The following ENPP6 variants were observed in gnomAD, a reference collection of about 807,000 sequenced individuals.
ENPP6 encodes the protein ectonucleotide pyrophosphatase/phosphodiesterase 6.
ENPP6 carries 32 observed loss-of-function variants against 42.0 expected under a neutral mutation model. The observed-to-expected ratio is 0.76, with a 90% confidence interval of 0.58 to 1.02. The LOEUF (loss-of-function observed/expected upper bound fraction) is 1.02. ENPP6 is among the 50% of genes least tolerant of loss of function. The pLI, the probability that ENPP6 is intolerant of heterozygous loss-of-function variation, is 0.00. For synonymous variants in ENPP6, 213 were observed against 216.0 expected, an observed-to-expected ratio of 0.99 and a Z score of 0.12; for missense variants, 552 against 566.8, an observed-to-expected ratio of 0.97 and a Z score of 0.27.
intron 2 of ENPP6, among the ~76,000 whole-genome samples, chr4:184,131,188 T>TC: frequency 1.6e-5 from 1 of 63,870 alleles, no homozygotes; most frequent in South Asian, 5.5e-4. Context: ...TTTCTTTCTT[T>TC]CTTTCTTTCT....
In ENPP6 at chr4:184,211,520, C is replaced by G. The variant is rs528244573; in HGVS notation, c.241+6059G>C. ...GGATACATTCCTCGACACATACACTCTCCCAAGACTAAACCAGGAAGGAAT... is the reference window on the plus strand; with the variant it reads ...GGATACATTCCTCGACACATACACTGTCCCAAGACTAAACCAGGAAGGAAT... On this transcript the variant is annotated intron_variant, in intron 1 of 7. Transcript: ENST00000296741. Among the ~76,000 whole-genome samples the G allele has an allele frequency of 3.3e-5, 5 of 152,342 alleles. No individual in the cohort carries two copies. In the East Asian group the frequency reaches 9.6e-4, roughly 29 times the overall value.
chr4:184,108,533 A>C (rs866083506), intron 6 of ENPP6, among the ~76,000 whole-genome samples: 87 of 152,250 alleles, frequency 5.7e-4, no homozygotes, highest in African/African-American at 2.0e-3. Context: ...CAAAGGAAGA[A>C]GTTTAAGCCA....
chr4:184,125,403 A>G (rs115939023), intron 2 of ENPP6, among the ~76,000 whole-genome samples: 2,774 of 152,270 alleles, frequency 0.018, 86 homozygotes, highest in African/African-American at 0.063. Context: ...AAAATGCCAG[A>G]CAATGGTGCC....
Position 184,184,634 on chromosome 4 carries a change from C to T in ENPP6, c.242-30901G>A, listed in dbSNP as rs930143837. ...TTAAGGGTTTCAGGATGAGGTCGTC[C>T]TGGGTGATCCAATGGTCCTGCATCC... is the stretch of plus-strand genomic sequence containing the variant. On this transcript the variant is annotated intron_variant, in intron 1 of 7. Coordinates refer to ENST00000296741, the MANE Select transcript of ENPP6 (RefSeq NM_153343.4). This position sits in a 1 kb window ranked among gnomAD's most constrained non-coding sequence, Gnocchi z 4.7. Among the ~76,000 whole-genome samples the T allele has an allele frequency of 2.0e-5, 3 of 152,078 alleles. No homozygotes were observed. Among genetic ancestry groups the T allele is most frequent in the African/African-American group, 7.2e-5 (3 of 41,392 alleles).
In ENPP6 at chr4:184,217,755, G is replaced by A. The variant is rs1733221744; in HGVS notation, c.65C>T (p.Ala22Val). ...LALGLAQPAS[A>V]RRKLLVFLLD... ...CAGAAACACCAGCAGCTTCCGGCGG[G>A]CAGAGGCTGGCTGGGCCAGGCCCAG... Residue 22 changes from alanine (A) to valine (V), a missense_variant, in exon 1 of 8, where the codon GCC becomes GTC. Ala to Val is a moderately conservative substitution (Grantham distance 64). Transcript: ENST00000296741. The A allele has an allele frequency of 1.2e-6, 2 of 1,614,014 alleles. No individual in the cohort carries two copies. Among genetic ancestry groups the A allele is most frequent in the African/African-American group, 1.3e-5 (1 of 74,952 alleles).
At chr4:184,101,858 C>T (rs1560978196) in intron 6 of ENPP6, among the ~76,000 whole-genome samples, 1 of 152,204 alleles carries the variant, frequency 6.6e-6, no homozygotes, top group Non-Finnish European at 1.5e-5. Context: ...ACCAGTTAAT[C>T]ATTTCTAACA....
rs1431759994 is a variant in ENPP6, at chr4:184,117,792, G to A, written c.642C>T (p.Asp214=). 2 of 1,614,140 alleles carry A rather than the reference G, an allele frequency of 1.2e-6. No homozygotes were observed. The highest frequency in any genetic ancestry group is 1.7e-5 in the Admixed American group (1 of 60,010). Residue 214 remains aspartate (D), a synonymous_variant, in exon 4 of 8, where the codon GAC becomes GAT. Coordinates refer to ENST00000296741, the MANE Select transcript of ENPP6 (RefSeq NM_153343.4). ...PQRKDALKAV[D]TVLKYMTKWI... is the part of the protein sequence containing the mutation. Reference sequence around the variant, plus strand: ...ACTTGGTCATGTACTTCAGGACAGTGTCTACAGCCTTGAGGGCATCTTTCC... The same window carrying A: ...ACTTGGTCATGTACTTCAGGACAGTATCTACAGCCTTGAGGGCATCTTTCC...
chr4:184,108,923 A>T (rs1736151297), intron 6 of ENPP6, among the ~76,000 whole-genome samples: 1 of 152,276 alleles, frequency 6.6e-6, no homozygotes, highest in Non-Finnish European at 1.5e-5. Context: ...CAGAACTAAC[A>T]ATAGCAGCGG....
At chr4:184,176,964 C>T (rs1737573533) in intron 1 of ENPP6, among the ~76,000 whole-genome samples, 2 of 152,164 alleles carry the variant, frequency 1.3e-5, no homozygotes, top group Non-Finnish European at 2.9e-5. Flanking sequence ...AGCTACCCTG[C>T]GCGGGAAACC....
intron 1 of ENPP6, among the ~76,000 whole-genome samples, chr4:184,155,961 C>T (rs1369042154): frequency 6.6e-6 from 1 of 152,132 alleles, no homozygotes; most frequent in African/African-American, 2.4e-5. Context: ...TTGTGGATTG[C>T]AGAGCTGTTG....
chr4:184,216,740 C>T (rs1478299715), intron 1 of ENPP6: 3 of 152,182 alleles, frequency 2.0e-5, no homozygotes, highest in African/African-American at 7.2e-5. Flanking sequence ...ACTGGGAATC[C>T]AACTCTGTGA....
chr4:184,131,259 T>TTTC (rs1553996065), intron 2 of ENPP6, among the ~76,000 whole-genome samples: 19 of 73,336 alleles, frequency 2.6e-4, no homozygotes, highest in Middle Eastern at 5.5e-3. Context: ...TTTCTCTTTC[T>TTTC]CTTCCTTCCT....
At chr4:184,196,509 A>G (rs187200798) in intron 1 of ENPP6, among the ~76,000 whole-genome samples, 131 of 152,358 alleles carry the variant, frequency 8.6e-4, no homozygotes, top group African/African-American at 2.9e-3. Flanking sequence ...TGGTTCAGAC[A>G]GTAAGTGGAA....
At chr4:184,183,180 A>G (rs1263015113) in intron 1 of ENPP6, among the ~76,000 whole-genome samples, 3 of 152,248 alleles carry the variant, frequency 2.0e-5, no homozygotes, top group Non-Finnish European at 2.9e-5. Flanking sequence ...TGTATATGCT[A>G]TTGCACTGAA....
intron 7 of ENPP6, among the ~76,000 whole-genome samples, chr4:184,092,472 G>A (rs962477278): frequency 6.6e-6 from 1 of 152,198 alleles, no homozygotes; most frequent in Non-Finnish European, 1.5e-5. Context: ...GAACACACAG[G>A]TAGGGTGGCC....
At chr4:184,120,083 G>A (rs1305132095) in intron 3 of ENPP6, among the ~76,000 whole-genome samples, 3 of 152,176 alleles carry the variant, frequency 2.0e-5, no homozygotes, top group Non-Finnish European at 4.4e-5. Context: ...AGGGAGGGGA[G>A]GGGAAGAAAT....
At chr4:184,125,031 C>T (rs1736479490) in intron 2 of ENPP6, among the ~76,000 whole-genome samples, 1 of 152,152 alleles carries the variant, frequency 6.6e-6, no homozygotes, top group Non-Finnish European at 1.5e-5. Context: ...TTTACTATGA[C>T]CGAGTCACTA....
intron 6 of ENPP6, among the ~76,000 whole-genome samples, chr4:184,101,338 G>C (rs919069438): frequency 1.5e-5 from 2 of 130,236 alleles, no homozygotes; most frequent in Non-Finnish European, 1.7e-5. Context: ...GTGTGTGTGT[G>C]TGTGTGTGTG....
chr4:184,161,734 AC>A (rs1489870380), intron 1 of ENPP6, among the ~76,000 whole-genome samples: 5 of 152,248 alleles, frequency 3.3e-5, no homozygotes, highest in African/African-American at 1.2e-4. Flanking sequence ...ATTCACAGCA[AC>A]CTGGATAGAA....
Sources: allele counts gnomAD v4.1 joint callset (sites outside exome capture counted in the v4.1 genomes callset), GRCh38; gene constraint gnomAD v4.1.1; non-coding constraint Gnocchi (gnomAD v3.1); transcripts MANE v1.5; gene names NCBI Gene and HGNC (gene_info 2026-07-23, HGNC 2026-07-21).